Variants in GABRA3 observed in about 807,000 individuals in gnomAD.
GABRA3 encodes gamma-aminobutyric acid type A receptor subunit alpha3.
GABRA3 carries 10 observed loss-of-function variants against 30.1 expected under a neutral mutation model. The observed-to-expected ratio is 0.33, with a 90% CI of 0.20 to 0.56. The LOEUF (loss-of-function observed/expected upper bound fraction) is 0.56, where lower values mean the gene tolerates loss of function less well. GABRA3 is among the 20% of genes least tolerant of loss of function. The pLI is 0.89. For missense variants in GABRA3, 233 were observed against 392.0 expected (o/e 0.59, Z 3.42); for synonymous variants, 151 against 146.8 (o/e 1.03, Z -0.21).
At chrX:152,349,710 G>A (rs1940447138) in intron 2 of GABRA3, among the ~76,000 whole-genome samples, 1 of 92,926 alleles carries the variant, frequency 1.1e-5, no homozygotes. Flanking sequence ...AGACAAAGAA[G>A]GCCATTACAT....
At chrX:152,202,882 T>C (rs1020561722) in intron 7 of GABRA3, among the ~76,000 whole-genome samples, 2 of 112,560 alleles carry the variant, frequency 1.8e-5, no homozygotes, top group Non-Finnish European at 3.7e-5. Context: ...AGCAGCAACA[T>C]TTACCTCCTC....
chrX:152,280,342 T>C (rs1939177235), intron 4 of GABRA3, among the ~76,000 whole-genome samples: 1 of 111,517 alleles, frequency 9.0e-6, no homozygotes, highest in Non-Finnish European at 1.9e-5. Flanking sequence ...ATTGACAGCC[T>C]AAAATAGACA....
chrX:152,258,925 A>C (rs1423235672), intron 4 of GABRA3, among the ~76,000 whole-genome samples: 2 of 111,870 alleles, frequency 1.8e-5, no homozygotes. Context: ...TCAGGAGAGC[A>C]CTCACAGTGC....
At chrX:152,200,296 T>C (rs973647651) in intron 7 of GABRA3, among the ~76,000 whole-genome samples, 2 of 111,878 alleles carry the variant, frequency 1.8e-5, no homozygotes, top group African/African-American at 6.5e-5. Flanking sequence ...TTCCCACTTT[T>C]CTACTCTACC....
At chrX:152,319,081 T>A (rs952925394) in intron 3 of GABRA3, among the ~76,000 whole-genome samples, 2 of 111,342 alleles carry the variant, frequency 1.8e-5, no homozygotes, top group African/African-American at 6.5e-5. Context: ...CCAAGAAGAC[T>A]GTAAACAAAG....
intron 3 of GABRA3, among the ~76,000 whole-genome samples, chrX:152,303,727 C>G (rs1374433007): frequency 9.1e-6 from 1 of 109,899 alleles, no homozygotes; most frequent in Non-Finnish European, 1.9e-5. Flanking sequence ...AACCAAACAC[C>G]ACATGTTCTC....
chrX:152,253,406 C>T (rs1244054522), intron 5 of GABRA3, among the ~76,000 whole-genome samples: 2 of 111,581 alleles, frequency 1.8e-5, no homozygotes, highest in African/African-American at 3.3e-5. Context: ...CCAAATTAAC[C>T]TCACAGACTT....
intron 4 of GABRA3, among the ~76,000 whole-genome samples, chrX:152,266,127 G>C (rs1307422319): frequency 9.0e-6 from 1 of 111,150 alleles, no homozygotes; most frequent in Non-Finnish European, 1.9e-5. Context: ...CCTATATCAA[G>C]AGCATTCTAC....
intron 1 of GABRA3, among the ~76,000 whole-genome samples, chrX:152,393,820 A>G (rs912333980): frequency 1.8e-5 from 2 of 111,965 alleles, no homozygotes; most frequent in Non-Finnish European, 3.8e-5. Flanking sequence ...AGATGCTGAT[A>G]ATAAAATAGC....
intron 2 of GABRA3, among the ~76,000 whole-genome samples, chrX:152,360,713 AAAAAAAAAAAATTAAAAAAAAAAATT>A (rs1470938047): frequency 1.4e-5 from 1 of 70,687 alleles, no homozygotes; most frequent in Non-Finnish European, 2.7e-5. Context: ...AAAAAAAATT[AAAAAAAAAAAATTAAAAAAAAAAATT>A]AAAAAAAAAA....
intron 3 of GABRA3, among the ~76,000 whole-genome samples, chrX:152,314,011 A>C (rs970417): frequency 0.22 from 24,428 of 110,567 alleles, 2,595 homozygotes; most frequent in African/African-American, 0.42. Context: ...CTTGCCCAGG[A>C]TGCAATGAGT....
intron 1 of GABRA3, among the ~76,000 whole-genome samples, chrX:152,366,472 A>T (rs1288256176): frequency 8.9e-6 from 1 of 112,249 alleles, no homozygotes; most frequent in Non-Finnish European, 1.9e-5. Context: ...CTACTATATC[A>T]CTATGGGTTA....
At chrX:152,363,618 A>G (rs761346413) in intron 2 of GABRA3, among the ~76,000 whole-genome samples, 6 of 111,267 alleles carry the variant, frequency 5.4e-5, no homozygotes, top group Non-Finnish European at 1.1e-4. Context: ...TCCTTCCCTT[A>G]CTTCCTTACA....
intron 1 of GABRA3, among the ~76,000 whole-genome samples, chrX:152,411,269 C>T (rs757046585): frequency 1.8e-5 from 2 of 111,058 alleles, no homozygotes; most frequent in South Asian, 3.8e-4. Context: ...GAGCCATGAT[C>T]GTGCCACTGA....
chrX:152,239,439 G>A (rs1477985256), intron 5 of GABRA3, among the ~76,000 whole-genome samples: 1 of 99,932 alleles, frequency 1.0e-5, no homozygotes, highest in Non-Finnish European at 2.0e-5. Context: ...TGGAATAGGT[G>A]TGGTGTGGTG....
At chrX:152,179,838 A>G (rs1376323842) in intron 9 of GABRA3, among the ~76,000 whole-genome samples, 1 of 111,067 alleles carries the variant, frequency 9.0e-6, no homozygotes, top group African/African-American at 3.3e-5. Context: ...TGCCTAGCTT[A>G]TTTCATTTAT....
intron 3 of GABRA3, among the ~76,000 whole-genome samples, chrX:152,342,476 T>C (rs766927024): frequency 9.0e-6 from 1 of 111,511 alleles, no homozygotes; most frequent in South Asian, 3.8e-4. Flanking sequence ...TCTTTCTTTC[T>C]CTCCATGTCT....
intron 5 of GABRA3, among the ~76,000 whole-genome samples, chrX:152,234,425 A>G (rs1011512832): frequency 1.8e-5 from 2 of 109,998 alleles, no homozygotes; most frequent in Non-Finnish European, 3.8e-5. Flanking sequence ...CAGGTTGTCT[A>G]TTCACTTTTT....
At chrX:152,282,171 C>T (rs949418118) in intron 4 of GABRA3, among the ~76,000 whole-genome samples, 2 of 111,798 alleles carry the variant, frequency 1.8e-5, no homozygotes, top group Non-Finnish European at 3.8e-5. Context: ...AATTTTCCCC[C>T]TTTGTGAACA....
Sources: allele counts gnomAD v4.1 joint callset (sites outside exome capture counted in the v4.1 genomes callset), GRCh38; gene constraint gnomAD v4.1.1; transcripts MANE v1.5; gene names NCBI Gene and HGNC (gene_info 2026-07-23, HGNC 2026-07-21).